ST6GAL1: variants seen among roughly 807,000 people sequenced by gnomAD.
ST6GAL1 encodes beta-galactoside alpha-2,6-sialyltransferase 1.
In ST6GAL1, 20 loss-of-function variants were observed where a neutral mutation model predicts 38.0. That is an observed-to-expected ratio of 0.53 (90% CI 0.37 to 0.77). The LOEUF (loss-of-function observed/expected upper bound fraction) is 0.77, where lower values mean the gene tolerates loss of function less well. Ranked by LOEUF, ST6GAL1 falls within the 30% of genes least tolerant of loss-of-function variation. The pLI is 0.00. For missense variants in ST6GAL1, 432 were observed against 496.4 expected (o/e 0.87, Z 1.23); for synonymous variants, 196 against 188.2 (o/e 1.04, Z -0.34).
chr3:187,062,976 T>C (rs550163364), intron 5 of ST6GAL1, among the ~76,000 whole-genome samples: 1 of 152,328 alleles, frequency 6.6e-6, no homozygotes, highest in African/African-American at 2.4e-5. Flanking sequence ...GTGGAATTGT[T>C]GTTTAATGAA....
At chr3:186,959,587 G>C (rs183100580) in intron 1 of ST6GAL1, among the ~76,000 whole-genome samples, 160 of 152,300 alleles carry the variant, frequency 1.1e-3, no homozygotes, top group Non-Finnish European at 1.8e-3. Context: ...CAGGAGCCCC[G>C]TAATGTTGGA....
At chr3:187,017,058 G>T (rs1405594484) in intron 2 of ST6GAL1, among the ~76,000 whole-genome samples, 2 of 152,182 alleles carry the variant, frequency 1.3e-5, no homozygotes, top group Admixed American at 1.3e-4. Flanking sequence ...AATTCCTGGG[G>T]CCCTGGATTG....
chr3:186,938,572 C>A (rs1436261544), intron 1 of ST6GAL1, among the ~76,000 whole-genome samples: 1 of 152,080 alleles, frequency 6.6e-6, no homozygotes, highest in Non-Finnish European at 1.5e-5. Flanking sequence ...TGACAGCAGG[C>A]CATTGTTTGG....
chr3:187,014,583 C>T (rs1717060215), intron 2 of ST6GAL1, among the ~76,000 whole-genome samples: 6 of 152,212 alleles, frequency 3.9e-5, no homozygotes, highest in Admixed American at 3.9e-4. Flanking sequence ...CCTAAGTCCA[C>T]ATTCTGTGCT....
intron 1 of ST6GAL1, among the ~76,000 whole-genome samples, chr3:186,939,060 C>G (rs1211455576): frequency 7.4e-6 from 1 of 134,496 alleles, no homozygotes; most frequent in Non-Finnish European, 1.6e-5. Context: ...AGAAAGTCAA[C>G]CTGGGACCTT....
At chr3:187,038,569 C>T (rs1241562076) in intron 2 of ST6GAL1, 173 bp from the exon 3 acceptor site, 2 of 152,226 alleles carry the variant, frequency 1.3e-5, no homozygotes, top group African/African-American at 4.8e-5. Context: ...GAGCATTGCA[C>T]CTTTAATAGG....
chr3:186,996,955 T>A (rs1057409768), intron 2 of ST6GAL1, among the ~76,000 whole-genome samples: 1 of 151,952 alleles, frequency 6.6e-6, no homozygotes, highest in Admixed American at 6.6e-5. Flanking sequence ...AGCTTGTTCA[T>A]GACCACCTCA....
chr3:186,987,242 GGAAAGAAAGGAA>G lies in ST6GAL1; in HGVS notation c.-183+23326_-183+23337del, dbSNP rs143784494. Among the ~76,000 whole-genome samples the G allele has an allele frequency of 4.6e-3, 695 of 151,474 alleles. 9 individuals are homozygous for G. The highest frequency in any genetic ancestry group is 0.016 in the African/African-American group (662 of 41,280). On this transcript the variant is annotated intron_variant, in intron 2 of 7. Transcript: ENST00000169298. ...AGAAAGCAAGGAAGGAAGGAAGAAA[GGAAAGAAAGGAA>G]GAAAGAAAGAAGAAAGAAAAGCCCC...
At position 187,075,980 on chromosome 3, in the gene ST6GAL1, C is replaced by T; in HGVS notation, c.*177C>T. The T allele has an allele frequency of 1.1e-6, 1 of 925,292 alleles. No homozygotes were observed. 57.3% of individuals were successfully genotyped at this position (925,292 alleles called of 1,614,324 possible). On this transcript the variant is annotated 3_prime_UTR_variant, in exon 8 of 8. Transcript: ENST00000169298. The surrounding 1 kb of genome is among the most constrained non-coding windows in gnomAD (Gnocchi z 4.1). ...TGGTCAGGAAATCAGGTCCAGCCTT[C>T]CCTGTAGCCAGACAGTTTATGAGCC... is the stretch of plus-strand genomic sequence containing the variant.
At chr3:187,051,399 T>C (rs1718509903) in intron 5 of ST6GAL1, 53 bp downstream of exon 5, 3 of 1,540,984 alleles carry the variant, frequency 1.9e-6, no homozygotes, top group South Asian at 1.1e-5. Context: ...CAGTGTGGGC[T>C]CTAATGTGGA....
chr3:186,939,681 A>G (rs1255800824), intron 1 of ST6GAL1, among the ~76,000 whole-genome samples: 1 of 152,186 alleles, frequency 6.6e-6, no homozygotes, highest in East Asian at 1.9e-4. Context: ...TATGCAGTTT[A>G]GGTCCCTGAC....
At chr3:187,065,530 TGG>T (rs1719073379) in intron 5 of ST6GAL1, among the ~76,000 whole-genome samples, 1 of 152,174 alleles carries the variant, frequency 6.6e-6, no homozygotes, top group Non-Finnish European at 1.5e-5. Flanking sequence ...TATATGTAAA[TGG>T]ACAGGTCTTT....
In ST6GAL1 at chr3:187,077,270, A is replaced by C. The variant is rs1349320202; in HGVS notation, c.*1467A>C. Reference sequence around the variant, plus strand: ...GACATGCTCTCCAGATGGTTTTACTAAGTCCCCTCTCCCTGATAGGGAATC... The same window carrying C: ...GACATGCTCTCCAGATGGTTTTACTCAGTCCCCTCTCCCTGATAGGGAATC... On this transcript the variant is annotated 3_prime_UTR_variant, in exon 8 of 8. Coordinates refer to ENST00000169298, the MANE Select transcript of ST6GAL1 (RefSeq NM_173216.2). 7 of 291,328 alleles carry C rather than the reference A, an allele frequency of 2.4e-5. No individual in the cohort carries two copies. Among genetic ancestry groups the C allele is most frequent in the Non-Finnish European group, 4.4e-5 (7 of 159,812 alleles). The allele number at this position is 291,328 out of a possible 1,614,324, so 18.0% of individuals were successfully genotyped here. A position where few individuals can be genotyped will look rare whatever the true frequency, so the allele number is the denominator to read the frequency against.
At position 187,051,317 on chromosome 3, in the gene ST6GAL1, A is replaced by G; in HGVS notation, c.676A>G (p.Lys226Glu). 2.5e-6 allele frequency: 4 copies of G among 1,614,220 alleles called. No individual in the cohort carries two copies. In the South Asian group the frequency reaches 4.4e-5, roughly 18 times the overall value. ...CAACTTCCAACAAGATGTGGGCACAAAAACTACCATTCGCCTGATGAACTC... is the reference window on the plus strand; with the variant it reads ...CAACTTCCAACAAGATGTGGGCACAGAAACTACCATTCGCCTGATGAACTC... ...TANFQQDVGTKTTIRLMNSQL... is the reference protein window; with the variant it reads ...TANFQQDVGTETTIRLMNSQL... Residue 226 changes from lysine (K) to glutamate (E), a missense_variant, in exon 5 of 8, where the codon AAA becomes GAA. By Grantham distance (56) the Lys-to-Glu change is moderately conservative. Transcript: ENST00000169298.
At chr3:186,951,612 G>C (rs1714580063) in intron 1 of ST6GAL1, among the ~76,000 whole-genome samples, 1 of 152,110 alleles carries the variant, frequency 6.6e-6, no homozygotes, top group Non-Finnish European at 1.5e-5. Flanking sequence ...CCATTCCTCT[G>C]TCATCTAGAT....
chr3:187,033,931 G>A (rs1717839707), intron 2 of ST6GAL1, among the ~76,000 whole-genome samples: 1 of 152,102 alleles, frequency 6.6e-6, no homozygotes, highest in Non-Finnish European at 1.5e-5. Context: ...GAACAAAATT[G>A]AGACTCAAAA....
chr3:187,070,712 C>G (rs2377937), intron 5 of ST6GAL1, among the ~76,000 whole-genome samples: 1 of 151,942 alleles, frequency 6.6e-6, no homozygotes, highest in Non-Finnish European at 1.5e-5. Context: ...TGTGAGCCAC[C>G]GCACCCGGCC....
intron 5 of ST6GAL1, 123 bp from the exon 6 acceptor site, chr3:187,072,726 A>C (rs1456339991): frequency 2.5e-5 from 21 of 829,524 alleles, no homozygotes; most frequent in Non-Finnish European, 3.8e-5. Flanking sequence ...GCTGCACCAG[A>C]ACTTAGAAGC....
chr3:187,021,968 T>A (rs1717322762), intron 2 of ST6GAL1: 1 of 152,194 alleles, frequency 6.6e-6, no homozygotes, highest in African/African-American at 2.4e-5. Flanking sequence ...TCTTCATCTG[T>A]ATCCTCTGCA....
Sources: gnomAD v4.1 joint callset for allele counts (sites outside exome capture counted in the v4.1 genomes callset) on GRCh38, gnomAD v4.1.1 for gene constraint, Gnocchi (gnomAD v3.1) non-coding constraint, MANE v1.5 for transcripts, NCBI Gene and HGNC (gene_info 2026-07-23, HGNC 2026-07-21) for gene names.